SQOR: variants seen among roughly 807,000 people sequenced by gnomAD.
The protein encoded by SQOR is sulfide quinone oxidoreductase, also known as sulfide:quinone oxidoreductase, mitochondrial.
SQOR carries 39 observed loss-of-function variants against 48.6 expected under a neutral mutation model. The observed-to-expected ratio is 0.80, with a 90% confidence interval of 0.62 to 1.05. The LOEUF (loss-of-function observed/expected upper bound fraction) is 1.05, where lower values mean the gene tolerates loss of function less well. Ranked by LOEUF, SQOR falls within the 50% of genes least tolerant of loss-of-function variation. The probability of loss-of-function intolerance (pLI) is 0.00; values close to 1 mark genes in which losing one functional copy is unlikely to be tolerated. For missense variants in SQOR, 561 were observed against 559.9 expected, an observed-to-expected ratio of 1.00 and a Z score of -0.02; for synonymous variants, 220 against 206.2, an observed-to-expected ratio of 1.07 and a Z score of -0.57.
chr15:45,632,096 T>G (rs1894906694), upstream of SQOR: 1 of 152,248 alleles, frequency 6.6e-6, no homozygotes, highest in African/African-American at 2.4e-5. Flanking sequence ...TATTCTCTTT[T>G]GCATTGGAAG....
rs769742146 is a variant in SQOR, at chr15:45,673,631, G to A, written c.484G>A (p.Ala162Thr). Reference protein sequence around the residue: ...EKIKGLPEGFAHPKIGSNYSV... With the variant: ...EKIKGLPEGFTHPKIGSNYSV... ...GATTAAAGGCCTACCTGAAGGTTTC[G>A]CTCATCCCAAAATAGGGTCGAATTA... Residue 162 changes from alanine (A) to threonine (T), a missense_variant, in exon 5 of 10, where the codon GCT (alanine) becomes ACT (threonine). Coordinates refer to ENST00000260324, the MANE Select transcript of SQOR (RefSeq NM_021199.4). 29 of 1,613,770 alleles carry A rather than the reference G, an allele frequency of 1.8e-5. No individual in the cohort carries two copies. In the African/African-American group the frequency reaches 1.9e-4, roughly 10 times the overall value.
At chr15:45,661,363 T>C (rs117646141) in intron 2 of SQOR, among the ~76,000 whole-genome samples, 1,604 of 150,522 alleles carry the variant, frequency 0.011, 8 homozygotes, top group Non-Finnish European at 0.014. Flanking sequence ...AGTTTGGGTA[T>C]GCATTGCATT....
At chr15:45,661,889 T>A (rs1248412136) in intron 2 of SQOR, 66 bp from the exon 3 acceptor site, 2 of 1,495,370 alleles carry the variant, frequency 1.3e-6, no homozygotes, top group African/African-American at 2.8e-5. Context: ...TAGCCCATAC[T>A]GTTAGCTATG....
intron 1 of SQOR, among the ~76,000 whole-genome samples, chr15:45,649,586 T>A (rs533649710): frequency 1.1e-4 from 16 of 152,154 alleles, no homozygotes; most frequent in Admixed American, 8.5e-4. Context: ...AGCAATTGAT[T>A]CTCCTGCCTC....
rs142400805 is a variant in SQOR, at chr15:45,686,716, C to T, written c.1049-1621C>T. 8.6e-4 allele frequency among the ~76,000 whole-genome samples: 131 copies of T among 152,312 alleles called. 1 individual carries two copies. Among genetic ancestry groups the T allele is most frequent in the African/African-American group, 2.5e-3 (102 of 41,572 alleles). On this transcript the variant is annotated intron_variant, in intron 7 of 9. Transcript: ENST00000260324. Reference sequence around the variant, plus strand: ...CCTGATTTGGGAGATTGCAAAATAACCACTTTAATAAGCATTTTATAATAC... The same window carrying T: ...CCTGATTTGGGAGATTGCAAAATAATCACTTTAATAAGCATTTTATAATAC...
intron 1 of SQOR, among the ~76,000 whole-genome samples, chr15:45,644,154 CTCG>C (rs1336938865): frequency 1.3e-5 from 2 of 152,030 alleles, no homozygotes; most frequent in Admixed American, 1.3e-4. Context: ...GTGACGCGAT[CTCG>C]GCTCACTGCA....
At chr15:45,679,329 G>A (rs2140959498) in intron 6 of SQOR, among the ~76,000 whole-genome samples, 1 of 152,236 alleles carries the variant, frequency 6.6e-6, no homozygotes, top group East Asian at 1.9e-4. Flanking sequence ...TTAATTAATT[G>A]GTTTGGGGTG....
In SQOR at chr15:45,686,253, G is replaced by A. The variant is rs1595511534; in HGVS notation, c.1049-2084G>A. ...TGCAACCTCTGCCTCCTGGGTTCAA[G>A]CAATTCTCTTGTCTTAGCCTCCTGA... On this transcript the variant is annotated intron_variant, in intron 7 of 9. Coordinates refer to ENST00000260324, the MANE Select transcript of SQOR (RefSeq NM_021199.4). Among the ~76,000 whole-genome samples the A allele has an allele frequency of 3.3e-5, 5 of 152,188 alleles. No individual in the cohort carries two copies. The South Asian group carries it at 1.0e-3, about 32-fold the overall frequency.
At chr15:45,688,478 A>G (rs956052874) in intron 8 of SQOR, 74 bp downstream of exon 8, 39 of 1,137,024 alleles carry the variant, frequency 3.4e-5, no homozygotes, top group Non-Finnish European at 4.6e-5. Flanking sequence ...TTTTCCCACA[A>G]TTTTGCACTT....
In SQOR at chr15:45,677,936, G is replaced by A. The variant is rs540176457; in HGVS notation, c.864+1626G>A. ...TTGGCCAGGCTGGTCTCGAACTGCTGACCTCAAGCCATCCACCTGCTCGGC... is the reference window on the plus strand; with the variant it reads ...TTGGCCAGGCTGGTCTCGAACTGCTAACCTCAAGCCATCCACCTGCTCGGC... On this transcript the variant is annotated intron_variant, in intron 6 of 9. Coordinates refer to ENST00000260324, the MANE Select transcript of SQOR (RefSeq NM_021199.4). Among the ~76,000 whole-genome samples the A allele has an allele frequency of 9.2e-5, 14 of 152,254 alleles. No individual in the cohort carries two copies. In the South Asian group the frequency reaches 2.9e-3, roughly 32 times the overall value.
At position 45,691,109 on chromosome 15, in the gene SQOR, G is replaced by C; in HGVS notation, c.*79G>C. On this transcript the variant is annotated 3_prime_UTR_variant, in exon 10 of 10. Coordinates refer to ENST00000260324, the MANE Select transcript of SQOR (RefSeq NM_021199.4). ...ACTGAATGACCAAGAGCAGCACGAAGGACTTGGAACCTATCCTTGTAAAGA... is the reference window on the plus strand; with the variant it reads ...ACTGAATGACCAAGAGCAGCACGAACGACTTGGAACCTATCCTTGTAAAGA... The C allele has an allele frequency of 7.9e-7, 1 of 1,270,408 alleles. No homozygotes were observed. Among genetic ancestry groups the C allele is most frequent in the South Asian group, 1.2e-5 (1 of 84,084 alleles). The allele number at this position is 1,270,408 out of a possible 1,614,324, so 78.7% of individuals were successfully genotyped here.
intron 2 of SQOR, 100 bp downstream of exon 2, chr15:45,659,257 A>G (rs981693408): frequency 2.0e-6 from 2 of 996,756 alleles, no homozygotes; most frequent in Admixed American, 3.3e-5. Context: ...CTATCAAGCA[A>G]TGGGTCTTCA....
intron 1 of SQOR, among the ~76,000 whole-genome samples, chr15:45,643,248 T>C (rs1384715619): frequency 6.6e-6 from 1 of 152,018 alleles, no homozygotes; most frequent in South Asian, 2.1e-4. Flanking sequence ...CAGGCTGGAG[T>C]GTAGTGGTGC....
At chr15:45,663,464 T>C (rs980457970) in intron 3 of SQOR, among the ~76,000 whole-genome samples, 1 of 152,178 alleles carries the variant, frequency 6.6e-6, no homozygotes, top group Non-Finnish European at 1.5e-5. Context: ...CCCTGGACCC[T>C]GATCAAGAGT....
At chr15:45,659,919 T>C (rs1889690066) in intron 2 of SQOR, among the ~76,000 whole-genome samples, 1 of 152,192 alleles carries the variant, frequency 6.6e-6, no homozygotes, top group South Asian at 2.1e-4. Flanking sequence ...CCACTGCACT[T>C]GCCTATCTGT....
At chr15:45,648,159 A>T (rs1889381676) in intron 1 of SQOR, among the ~76,000 whole-genome samples, 1 of 151,866 alleles carries the variant, frequency 6.6e-6, no homozygotes, top group Non-Finnish European at 1.5e-5. Flanking sequence ...TTTCAATGAT[A>T]GTTTTTTGTT....
intron 8 of SQOR, 24 bp downstream of exon 8, chr15:45,688,428 C>G: frequency 6.6e-7 from 1 of 1,512,542 alleles, no homozygotes; most frequent in Admixed American, 1.9e-5. Context: ...GTAAGAATCA[C>G]TGTCTCAATG....
At chr15:45,647,848 C>T (rs549604541) in intron 1 of SQOR, among the ~76,000 whole-genome samples, 3 of 152,102 alleles carry the variant, frequency 2.0e-5, no homozygotes, top group African/African-American at 7.2e-5. Flanking sequence ...GCCCAGGAGG[C>T]GGAGGCTGCA....
In SQOR at chr15:45,655,681, C is replaced by CTTTT. The variant is rs60764234; in HGVS notation, c.-17-3215_-17-3212dup. On this transcript the variant is annotated intron_variant, in intron 1 of 9. Transcript: ENST00000260324. ...TTCTGGGAAGTTGTAGAAAGTATAT[C>CTTTT]TTTTTTTTTTTTTTCTTTTTGAGAC... Among the ~76,000 whole-genome samples the CTTTT allele has an allele frequency of 4.0e-4, 58 of 143,766 alleles. 1 individual carries two copies. The highest frequency in any genetic ancestry group is 5.6e-4 in the Admixed American group (8 of 14,240). The allele number at this position is 143,766 out of a possible 152,430, so 94.3% of individuals were successfully genotyped here.
Sources: allele counts gnomAD v4.1 joint callset (sites outside exome capture counted in the v4.1 genomes callset), GRCh38; gene constraint gnomAD v4.1.1; transcripts MANE v1.5; gene names NCBI Gene and HGNC (gene_info 2026-07-23, HGNC 2026-07-21).